Variants in CDC123 observed in about 807,000 individuals in gnomAD.
CDC123 encodes the protein cell division cycle 123, also known as translation initiation factor eIF2 assembly protein.
Under a neutral mutation model 54.4 loss-of-function variants are expected in CDC123, and 37 were observed. The observed-to-expected ratio is 0.68, with a 90% CI of 0.52 to 0.89. CDC123 has a LOEUF of 0.89. Ranked by LOEUF, CDC123 falls within the 40% of genes least tolerant of loss-of-function variation. CDC123 has a pLI of 0.00. For synonymous variants in CDC123, 144 were observed against 136.8 expected (o/e 1.05, Z -0.37); for missense variants, 361 against 412.1 (o/e 0.88, Z 1.07).
rs1264911212 is a variant in CDC123 at position 12,226,158 on chromosome 10, T to A, written c.441-4790T>A. Among the ~76,000 whole-genome samples, 16 of 152,330 alleles carry A rather than the reference T, an allele frequency of 1.1e-4. 1 individual carries two copies. Among genetic ancestry groups the A allele is most frequent in the African/African-American group, 2.4e-5 (1 of 41,574 alleles). On this transcript the variant is annotated intron_variant, in intron 6 of 12. Coordinates refer to ENST00000281141, the MANE Select transcript of CDC123 (RefSeq NM_006023.3). ...CAAAATGGAGTCTCCCATGTCTACT[T>A]CTTTCTACACAGACACAGCAACAAT...
chr10:12,235,905 G>A (rs1028005282), intron 8 of CDC123, among the ~76,000 whole-genome samples: 4 of 152,208 alleles, frequency 2.6e-5, no homozygotes, highest in Non-Finnish European at 4.4e-5. Flanking sequence ...GTATTTCAGA[G>A]CAGAGAACTT....
At chr10:12,235,392 C>T (rs750854375) in intron 8 of CDC123, among the ~76,000 whole-genome samples, 2 of 152,080 alleles carry the variant, frequency 1.3e-5, no homozygotes, top group Admixed American at 6.6e-5. Context: ...TGTCACTGTT[C>T]CTGATTTAGG....
At chr10:12,197,310 T>C (rs915420478) in intron 1 of CDC123, among the ~76,000 whole-genome samples, 11 of 152,218 alleles carry the variant, frequency 7.2e-5, no homozygotes. Flanking sequence ...TCGCTTGAAA[T>C]TGTTTAAAAT....
intron 9 of CDC123, among the ~76,000 whole-genome samples, chr10:12,237,996 A>G (rs1002420240): frequency 1.3e-5 from 2 of 152,196 alleles, no homozygotes; most frequent in African/African-American, 4.8e-5. Flanking sequence ...CAATTTCTCT[A>G]CTTGCCAAGA....
chr10:12,225,397 AAAAT>A (rs879278034), intron 6 of CDC123, among the ~76,000 whole-genome samples: 6 of 152,228 alleles, frequency 3.9e-5, no homozygotes, highest in East Asian at 1.9e-4. Context: ...CTGTCTCAAA[AAAAT>A]AAATAAATGA....
intron 5 of CDC123, among the ~76,000 whole-genome samples, chr10:12,216,251 T>G (rs1368055337): frequency 6.6e-6 from 1 of 152,220 alleles, no homozygotes; most frequent in Non-Finnish European, 1.5e-5. Flanking sequence ...TTGTGTCTTA[T>G]TATTTTAATA....
intron 2 of CDC123, among the ~76,000 whole-genome samples, chr10:12,200,144 A>T (rs1348689694): frequency 2.4e-3 from 9 of 3,822 alleles, no homozygotes; most frequent in Non-Finnish European, 3.4e-3. Context: ...TTTTTTTTTT[A>T]AAGATGGAGT....
chr10:12,220,737 G>A (rs1027805157), intron 6 of CDC123, among the ~76,000 whole-genome samples: 1 of 152,186 alleles, frequency 6.6e-6, no homozygotes, highest in African/African-American at 2.4e-5. Flanking sequence ...CAGCACTTTG[G>A]GAGGCCGAGG....
intron 10 of CDC123, among the ~76,000 whole-genome samples, chr10:12,242,463 G>A (rs190486435): frequency 3.3e-5 from 5 of 152,310 alleles, no homozygotes; most frequent in South Asian, 4.1e-4. Context: ...GCTCTTGGAA[G>A]GAGTCGATTT....
At chr10:12,217,256 C>T (rs2131741575) in intron 5 of CDC123, 105 bp from the exon 6 acceptor site, 1 of 1,106,410 alleles carries the variant, frequency 9.0e-7, no homozygotes, top group Non-Finnish European at 1.3e-6. Flanking sequence ...GACTTTCTTC[C>T]TTAAACCCTT....
intron 2 of CDC123, among the ~76,000 whole-genome samples, chr10:12,201,099 A>G (rs1835433899): frequency 6.6e-6 from 1 of 152,216 alleles, no homozygotes; most frequent in East Asian, 1.9e-4. Flanking sequence ...TTTAAGTAAT[A>G]TCTTTGCTAT....
intron 4 of CDC123, among the ~76,000 whole-genome samples, chr10:12,214,793 GTCT>G (rs960926985): frequency 6.6e-6 from 1 of 151,616 alleles, no homozygotes; most frequent in African/African-American, 2.4e-5. Flanking sequence ...GATGTAGTCT[GTCT>G]TTTTTTTTTC....
At chr10:12,212,836 A>T (rs968024276) in intron 4 of CDC123, among the ~76,000 whole-genome samples, 10 of 152,238 alleles carry the variant, frequency 6.6e-5, no homozygotes, top group African/African-American at 2.4e-4. Context: ...TTTGGGTCCC[A>T]TCCCCATTAT....
intron 6 of CDC123, among the ~76,000 whole-genome samples, chr10:12,220,368 C>T (rs1835719932): frequency 6.6e-6 from 1 of 152,096 alleles, no homozygotes; most frequent in African/African-American, 2.4e-5. Context: ...GCATTTTGTA[C>T]TTTTTGACTT....
chr10:12,209,849 C>T, intron 2 of CDC123, 118 bp from the exon 3 acceptor site: 1 of 921,800 alleles, frequency 1.1e-6, no homozygotes, highest in Non-Finnish European at 1.7e-6. Context: ...CAGGTGTGAG[C>T]CACCACACCT....
chr10:12,226,254 C>T (rs1376424931), intron 6 of CDC123, among the ~76,000 whole-genome samples: 5 of 152,310 alleles, frequency 3.3e-5, no homozygotes, highest in South Asian at 2.1e-4. Context: ...CATCATGGCC[C>T]GTTCTCAATG....
At chr10:12,204,057 C>T (rs942898736) in intron 2 of CDC123, among the ~76,000 whole-genome samples, 2 of 149,982 alleles carry the variant, frequency 1.3e-5, no homozygotes, top group African/African-American at 4.9e-5. Flanking sequence ...CATGCCTCTG[C>T]ACTCCAGCCT....
At chr10:12,204,991 TCA>T (rs1491198186) in intron 2 of CDC123, among the ~76,000 whole-genome samples, 5 of 29,362 alleles carry the variant, frequency 1.7e-4, no homozygotes, top group Non-Finnish European at 3.6e-4. Context: ...AGACTCCATA[TCA>T]AAAAAAAAAA....
At chr10:12,199,971 A>G (rs865906652) in intron 2 of CDC123, among the ~76,000 whole-genome samples, 32 of 151,354 alleles carry the variant, frequency 2.1e-4, no homozygotes, top group African/African-American at 6.8e-4. Flanking sequence ...ACAGGCGCCC[A>G]CCACCACGCC....
Sources: allele counts gnomAD v4.1 joint callset (sites outside exome capture counted in the v4.1 genomes callset), GRCh38; gene constraint gnomAD v4.1.1; transcripts MANE v1.5; gene names NCBI Gene and HGNC (gene_info 2026-07-23, HGNC 2026-07-21).